Variants in LEKR1 observed in about 807,000 individuals in gnomAD.
LEKR1 encodes the protein protein LEKR1.
In LEKR1, 59 loss-of-function variants were observed where a neutral mutation model predicts 72.4. The ratio of observed to expected loss-of-function variants is 0.82; its 90% CI spans 0.66 to 1.01. LEKR1 has a LOEUF of 1.01. LEKR1 is among the 50% of genes least tolerant of loss of function. The pLI, the probability that LEKR1 is intolerant of heterozygous loss-of-function variation, is 0.00. For missense variants in LEKR1, 728 were observed against 759.2 expected, an observed-to-expected ratio of 0.96 and a Z score of 0.48; for synonymous variants, 257 against 263.2, an observed-to-expected ratio of 0.98 and a Z score of 0.23.
intron 7 of LEKR1, among the ~76,000 whole-genome samples, chr3:156,982,855 G>GTAGA (rs57476413): frequency 0.12 from 17,235 of 139,936 alleles, 1,025 homozygotes; most frequent in East Asian, 0.16. Context: ...GTGTGTGTGT[G>GTAGA]TAGATAGATA....
intron 12 of LEKR1, among the ~76,000 whole-genome samples, chr3:157,044,829 G>A (rs747099785): frequency 1.3e-5 from 2 of 152,040 alleles, no homozygotes; most frequent in Admixed American, 6.5e-5. Context: ...TTGTTTCAAC[G>A]CTATAGCTGA....
chr3:156,967,241 G>A lies in LEKR1; in HGVS notation c.746-11953G>A, dbSNP rs567532986. Among the ~76,000 whole-genome samples, 7 of 152,306 alleles carry A rather than the reference G, an allele frequency of 4.6e-5. No individual in the cohort carries two copies. In the South Asian group the frequency reaches 8.3e-4, roughly 18 times the overall value. On this transcript the variant is annotated intron_variant, in intron 6 of 12. Coordinates refer to ENST00000356539, the MANE Select transcript of LEKR1 (RefSeq NM_001004316.3). ...AACACCTCTCCTCCTCCAAAGGAAC[G>A]CAGCTCCTCACCAGCAACGGAACAA...
chr3:156,961,399 A>G lies in LEKR1; in HGVS notation c.746-17795A>G, dbSNP rs1393697369. 3.9e-5 allele frequency among the ~76,000 whole-genome samples: 6 copies of G among 152,336 alleles called. 1 individual carries two copies. The highest frequency in any genetic ancestry group is 1.2e-4 in the African/African-American group (5 of 41,582). ...TTGGGAGATTTCTTTCACACCAAAA[A>G]GAAACTTTGTGGCCATCAACAGCCA... On this transcript the variant is annotated intron_variant, in intron 6 of 12. Coordinates refer to ENST00000356539, the MANE Select transcript of LEKR1 (RefSeq NM_001004316.3).
intron 2 of LEKR1, among the ~76,000 whole-genome samples, chr3:156,841,219 G>A (rs1161069450): frequency 6.6e-6 from 1 of 152,208 alleles, no homozygotes; most frequent in Non-Finnish European, 1.5e-5. Context: ...ATTTCCACAG[G>A]CAGCGGGTAA....
chr3:156,851,880 G>T (rs1275665445), intron 2 of LEKR1, among the ~76,000 whole-genome samples: 1 of 152,008 alleles, frequency 6.6e-6, no homozygotes, highest in Admixed American at 6.6e-5. Context: ...TTTATGAATA[G>T]GAAAACAAGC....
At chr3:157,016,413 T>C (rs1245826645) in intron 10 of LEKR1, among the ~76,000 whole-genome samples, 1 of 152,008 alleles carries the variant, frequency 6.6e-6, no homozygotes, top group Non-Finnish European at 1.5e-5. Context: ...AAAAAGATAG[T>C]AGGATTGAAA....
chr3:156,927,695 G>A (rs1212531123), intron 5 of LEKR1, 91 bp downstream of exon 5: 3 of 477,106 alleles, frequency 6.3e-6, no homozygotes, highest in African/African-American at 4.4e-5. Flanking sequence ...TTTATTTGAT[G>A]GGAATTAGGA....
At chr3:156,992,949 A>T (rs1395313556) in intron 8 of LEKR1, 125 bp from the exon 9 acceptor site, 2 of 559,736 alleles carry the variant, frequency 3.6e-6, no homozygotes, top group Non-Finnish European at 2.9e-6. Context: ...TTTTTTTAAA[A>T]TTTTTAATTT....
chr3:156,901,664 C>G (rs868293476), intron 3 of LEKR1, among the ~76,000 whole-genome samples: 6 of 152,194 alleles, frequency 3.9e-5, no homozygotes, highest in Middle Eastern at 3.4e-3. Context: ...TGGAAAATCT[C>G]AAATATTAAT....
chr3:156,988,569 G>A (rs1730892823), intron 7 of LEKR1: 1 of 194,394 alleles, frequency 5.1e-6, no homozygotes. Context: ...TGAGGCGTGT[G>A]GCTTGATCTT....
rs927552554 is a variant in LEKR1, at chr3:156,899,341, C to T, written c.264-21234C>T. Among the ~76,000 whole-genome samples the T allele has an allele frequency of 1.5e-3, 166 of 112,288 alleles. 3 individuals carry two copies. Among genetic ancestry groups the T allele is most frequent in the Non-Finnish European group, 2.7e-3 (152 of 56,488 alleles). The allele number at this position is 112,288 out of a possible 152,430, so 73.7% of individuals were successfully genotyped here. On this transcript the variant is annotated intron_variant, in intron 3 of 12. Transcript: ENST00000356539. Reference sequence around the variant, plus strand: ...GTATATATACATATATACATATATACACATATATACATGTATATATACATA... The same window carrying T: ...GTATATATACATATATACATATATATACATATATACATGTATATATACATA...
intron 5 of LEKR1, among the ~76,000 whole-genome samples, chr3:156,928,881 T>C (rs1304712157): frequency 1.3e-5 from 2 of 152,060 alleles, no homozygotes; most frequent in Non-Finnish European, 1.5e-5. Context: ...AAATACTCTT[T>C]GGAATAACAT....
chr3:156,876,009 A>G (rs1441319157), intron 3 of LEKR1, among the ~76,000 whole-genome samples: 1 of 151,600 alleles, frequency 6.6e-6, no homozygotes, highest in East Asian at 1.9e-4. Context: ...AAAAAAAAAA[A>G]AAAAAAAGAA....
chr3:156,851,198 G>T (rs1007548521), intron 2 of LEKR1: 1 of 152,136 alleles, frequency 6.6e-6, no homozygotes, highest in African/African-American at 2.4e-5. Context: ...TGAAGAAATT[G>T]TAAGTGTTGA....
intron 3 of LEKR1, among the ~76,000 whole-genome samples, chr3:156,908,378 A>G (rs79934901): frequency 3.5e-4 from 53 of 152,224 alleles, no homozygotes; most frequent in African/African-American, 1.2e-3. Context: ...CGTTCCTTCT[A>G]CATGTATTAA....
chr3:156,848,297 G>A (rs1319355022), intron 2 of LEKR1, among the ~76,000 whole-genome samples: 1 of 152,100 alleles, frequency 6.6e-6, no homozygotes, highest in Non-Finnish European at 1.5e-5. Context: ...AGAGTAATAG[G>A]ATAATGCACA....
intron 11 of LEKR1, among the ~76,000 whole-genome samples, chr3:157,025,511 T>C (rs1010479420): frequency 5.3e-5 from 8 of 152,146 alleles, no homozygotes; most frequent in Non-Finnish European, 1.0e-4. Flanking sequence ...AAATAACATT[T>C]TGAATACATG....
intron 4 of LEKR1, 136 bp downstream of exon 4, chr3:156,920,830 T>C (rs1453191192): frequency 1.9e-6 from 1 of 521,638 alleles, no homozygotes; most frequent in Non-Finnish European, 3.2e-6. Context: ...CATTAGGTTT[T>C]CTTTTTTCTT....
chr3:156,829,143 C>G, intron 1 of LEKR1, 143 bp from the exon 2 acceptor site: 1 of 519,264 alleles, frequency 1.9e-6, no homozygotes, highest in South Asian at 2.8e-5. Flanking sequence ...ACTGTACCTT[C>G]TAACATTGAG....
Sources: gnomAD v4.1 joint callset for allele counts (sites outside exome capture counted in the v4.1 genomes callset) on GRCh38, gnomAD v4.1.1 for gene constraint, MANE v1.5 for transcripts, NCBI Gene and HGNC (gene_info 2026-07-23, HGNC 2026-07-21) for gene names.